Variants in CTNNA3 observed in about 807,000 individuals in gnomAD.
The protein encoded by CTNNA3 is catenin alpha 3, also known as catenin alpha-3.
CTNNA3 carries 76 observed loss-of-function variants against 95.7 expected under a neutral mutation model. The ratio of observed to expected loss-of-function variants is 0.79; its 90% confidence interval spans 0.66 to 0.96. The LOEUF is 0.96. Among genes scored for constraint, CTNNA3 ranks in the 40% least tolerant of loss-of-function variants. The pLI is 0.00. For synonymous variants in CTNNA3, 431 were observed against 374.4 expected (o/e 1.15, Z -1.74); for missense variants, 1,191 against 1,089.8 (o/e 1.09, Z -1.31).
At chr10:67,654,936 A>G (rs1839979920) in intron 1 of CTNNA3, among the ~76,000 whole-genome samples, 1 of 152,142 alleles carries the variant, frequency 6.6e-6, no homozygotes, top group Non-Finnish European at 1.5e-5. Flanking sequence ...ATGAGTAAAT[A>G]ATTAAAGGTT....
At chr10:66,582,037 G>A (rs1372091367) in intron 10 of CTNNA3, among the ~76,000 whole-genome samples, 1 of 151,700 alleles carries the variant, frequency 6.6e-6, no homozygotes, top group South Asian at 2.1e-4. Flanking sequence ...TGCTGATTTG[G>A]TTACGTTAGC....
chr10:66,307,038 A>G (rs1436810653), intron 12 of CTNNA3, among the ~76,000 whole-genome samples: 1 of 152,212 alleles, frequency 6.6e-6, no homozygotes, highest in Non-Finnish European at 1.5e-5. Flanking sequence ...TTATGTGTTA[A>G]TTCACTTAAT....
At chr10:67,562,791 T>A (rs1841572156) in intron 3 of CTNNA3, among the ~76,000 whole-genome samples, 1 of 152,092 alleles carries the variant, frequency 6.6e-6, no homozygotes, top group Non-Finnish European at 1.5e-5. Flanking sequence ...TTCAACAAAG[T>A]CTCAGGATAC....
intron 7 of CTNNA3, among the ~76,000 whole-genome samples, chr10:67,046,708 T>A (rs568379497): frequency 1.3e-5 from 2 of 152,324 alleles, no homozygotes; most frequent in Admixed American, 6.5e-5. Context: ...ATAAATGTAT[T>A]GACTCAGCAT....
intron 5 of CTNNA3, among the ~76,000 whole-genome samples, chr10:67,290,518 C>T (rs1411258060): frequency 1.3e-5 from 2 of 152,072 alleles, no homozygotes; most frequent in African/African-American, 2.4e-5. Context: ...TTCTATGTGC[C>T]AGGATGTGTT....
At chr10:66,839,806 A>T (rs1177126380) in intron 7 of CTNNA3, among the ~76,000 whole-genome samples, 1 of 152,142 alleles carries the variant, frequency 6.6e-6, no homozygotes, top group Non-Finnish European at 1.5e-5. Context: ...TCCACATATA[A>T]ATAAACACAA....
intron 7 of CTNNA3, among the ~76,000 whole-genome samples, chr10:67,157,611 T>A (rs771956515): frequency 2.6e-4 from 39 of 152,156 alleles, no homozygotes; most frequent in Non-Finnish European, 4.4e-5. Flanking sequence ...AGACTTTCTA[T>A]GATGAACTAA....
intron 12 of CTNNA3, among the ~76,000 whole-genome samples, chr10:66,316,915 T>C (rs750901182): frequency 1.3e-5 from 2 of 152,132 alleles, no homozygotes; most frequent in Non-Finnish European, 2.9e-5. Flanking sequence ...TACGGCAGAA[T>C]AAAATTTAGA....
chr10:66,142,469 A>G (rs1181297261), intron 13 of CTNNA3, among the ~76,000 whole-genome samples: 1 of 152,052 alleles, frequency 6.6e-6, no homozygotes, highest in Non-Finnish European at 1.5e-5. Context: ...TTCTTTAAAT[A>G]TTGTCTTGTC....
At chr10:67,085,285 A>G (rs1857241811) in intron 7 of CTNNA3, among the ~76,000 whole-genome samples, 1 of 151,978 alleles carries the variant, frequency 6.6e-6, no homozygotes, top group Non-Finnish European at 1.5e-5. Flanking sequence ...CAAAAATATG[A>G]CTAGTCTTCT....
chr10:67,236,567 C>T (rs1865470204), intron 5 of CTNNA3, among the ~76,000 whole-genome samples: 1 of 151,506 alleles, frequency 6.6e-6, no homozygotes, highest in African/African-American at 2.4e-5. Flanking sequence ...TGCTAGATGA[C>T]AAGTTAGTGG....
chr10:67,564,685 A>G (rs1402442159), intron 3 of CTNNA3, among the ~76,000 whole-genome samples: 33 of 67,436 alleles, frequency 4.9e-4, no homozygotes, highest in East Asian at 4.2e-3. Flanking sequence ...GTGTATATAT[A>G]TATATATATA....
chr10:67,299,149 A>T (rs1476793909), intron 5 of CTNNA3, among the ~76,000 whole-genome samples: 1 of 151,986 alleles, frequency 6.6e-6, no homozygotes. Context: ...CACTCGCCTT[A>T]GTTATATCTT....
At chr10:66,951,960 T>A (rs1048841895) in intron 7 of CTNNA3, among the ~76,000 whole-genome samples, 2 of 152,190 alleles carry the variant, frequency 1.3e-5, no homozygotes, top group Non-Finnish European at 2.9e-5. Flanking sequence ...ACTCTTTAGA[T>A]AAACAGAGCA....
At chr10:66,785,782 T>C (rs1485821613) in intron 7 of CTNNA3, among the ~76,000 whole-genome samples, 5 of 152,138 alleles carry the variant, frequency 3.3e-5, no homozygotes, top group Non-Finnish European at 5.9e-5. Context: ...ATCCTATTCG[T>C]TCTGTTTATC....
In CTNNA3 at chr10:66,103,253, TA is replaced by T. The variant is rs755591580; in HGVS notation, c.1885-5del. On this transcript the variant is annotated splice_polypyrimidine_tract_variant and splice_region_variant and intron_variant, in intron 13 of 17. Coordinates refer to ENST00000433211, the MANE Select transcript of CTNNA3 (RefSeq NM_013266.4). Reference sequence around the variant, plus strand: ...CATCCTCCAGTTCCTCTGGGGTCTATAAAAAGAAAGCAAAACATTGCTAGTG... The same window carrying T: ...CATCCTCCAGTTCCTCTGGGGTCTATAAAAGAAAGCAAAACATTGCTAGTG... 1 of 1,612,378 alleles carries T rather than the reference TA, an allele frequency of 6.2e-7. No individual in the cohort carries two copies. The highest frequency in any genetic ancestry group is 8.5e-7 in the Non-Finnish European group (1 of 1,178,444).
chr10:66,545,912 G>A (rs868452163), intron 10 of CTNNA3, among the ~76,000 whole-genome samples: 22 of 150,518 alleles, frequency 1.5e-4, no homozygotes, highest in Middle Eastern at 3.6e-3. Context: ...AAACATATAC[G>A]TATGTTTTAT....
intron 5 of CTNNA3, among the ~76,000 whole-genome samples, chr10:67,304,460 G>A (rs1412126890): frequency 6.6e-6 from 1 of 152,142 alleles, no homozygotes; most frequent in Non-Finnish European, 1.5e-5. Context: ...TTTAAACTGA[G>A]CTTTGTTAGA....
At chr10:67,393,814 AT>A (rs540803208) in intron 5 of CTNNA3, among the ~76,000 whole-genome samples, 115 of 152,306 alleles carry the variant, frequency 7.6e-4, no homozygotes, top group Non-Finnish European at 1.2e-3. Flanking sequence ...CTACTAAAAA[AT>A]AAAAAGATAT....
Sources: allele counts gnomAD v4.1 joint callset (sites outside exome capture counted in the v4.1 genomes callset), GRCh38; gene constraint gnomAD v4.1.1; transcripts MANE v1.5; gene names NCBI Gene and HGNC (gene_info 2026-07-23, HGNC 2026-07-21).